The following UBN1 variants were observed in gnomAD, a reference collection of about 807,000 sequenced individuals.
UBN1 encodes ubinuclein-1.
A neutral mutation model predicts 108.5 loss-of-function variants in UBN1; 17 were observed. The ratio of observed to expected loss-of-function variants is 0.16; its 90% CI spans 0.11 to 0.24. The LOEUF (loss-of-function observed/expected upper bound fraction) is 0.24. Among genes scored for constraint, UBN1 ranks in the 10% least tolerant of loss-of-function variants. The probability of loss-of-function intolerance (pLI) is 1.00; values close to 1 mark genes in which losing one functional copy is unlikely to be tolerated. For synonymous variants in UBN1, 726 were observed against 564.2 expected (o/e 1.29, Z -4.07); for missense variants, 1,595 against 1,394.4 (o/e 1.14, Z -2.29).
At position 4,874,784 on chromosome 16, in the gene UBN1, G is replaced by A. The variant is rs755051524; in HGVS notation, c.2374G>A (p.Gly792Arg). 3.7e-6 allele frequency: 6 copies of A among 1,613,850 alleles called. No individual in the cohort carries two copies. The highest frequency in any genetic ancestry group is 1.1e-5 in the South Asian group (1 of 91,080). Reference protein sequence around the residue: ...KHHSLPRTSHGPQVAVPVPGP... With the variant: ...KHHSLPRTSHRPQVAVPVPGP... ...CCACAGCTTGCCACGGACGTCTCAC[G>A]GGCCCCAAGTGGCAGTTCCTGTGCC... The change falls in exon 15 of 18, where the codon GGG becomes AGG. Residue 792 changes from glycine (G) to arginine (R), a missense_variant. Physicochemically the swap from Gly to Arg is moderately radical, Grantham distance 125 (BLOSUM62 -2). Around this residue, in one of 3 missense-constraint regions of UBN1, gnomAD observed 1,398 missense variants for 1,194.7 expected, o/e 1.17. Transcript: ENST00000262376.
At chr16:4,853,203 A>C (rs2086635854) in intron 2 of UBN1, 37 bp downstream of exon 2, 1 of 1,609,480 alleles carries the variant, frequency 6.2e-7, no homozygotes. Context: ...TGCAGGTTTA[A>C]CGCACAGGGG....
intron 6 of UBN1, among the ~76,000 whole-genome samples, chr16:4,860,215 TG>T (rs1418542473): frequency 1.3e-5 from 2 of 152,228 alleles, no homozygotes; most frequent in Non-Finnish European, 2.9e-5. Flanking sequence ...TCTCGTCCTC[TG>T]GGGTGCTCCT....
In UBN1 at chr16:4,877,171, C is replaced by T. The variant is rs1157312183; in HGVS notation, c.3265+60C>T. 4 of 1,545,212 alleles carry T rather than the reference C, an allele frequency of 2.6e-6. No homozygotes were observed. In the Middle Eastern group the frequency reaches 5.3e-4, roughly 204 times the overall value. On this transcript the variant is annotated intron_variant, in intron 16 of 17. Transcript: ENST00000262376. This position sits in a 1 kb window ranked among gnomAD's most constrained non-coding sequence, Gnocchi z 4.3. ...AACCTCTAGATTGTGGCCAGGGGTC[C>T]TGCTGTTGTGTACTCTGGTTCCTGT...
At chr16:4,849,949 C>CAAAAAAAAAAAAAAAAAAAAAA (rs751842571) in intron 1 of UBN1, among the ~76,000 whole-genome samples, 2 of 72,204 alleles carry the variant, frequency 2.8e-5, no homozygotes, top group Non-Finnish European at 5.0e-5. Context: ...AACTGTCTCA[C>CAAAAAAAAAAAAAAAAAAAAAA]AAAAAAAAAA....
chr16:4,849,875 A>T (rs1255514877), intron 1 of UBN1, among the ~76,000 whole-genome samples: 3 of 142,234 alleles, frequency 2.1e-5, no homozygotes, highest in African/African-American at 7.9e-5. Context: ...GGGTCCGGGA[A>T]GTTGAGGCTG....
chr16:4,853,305 G>A, intron 2 of UBN1, 139 bp downstream of exon 2: 1 of 1,219,892 alleles, frequency 8.2e-7, no homozygotes, highest in Non-Finnish European at 1.1e-6. Context: ...CTCAAGGCAA[G>A]CACAAGATTT....
chr16:4,860,211 C>A (rs1447268672), intron 6 of UBN1, among the ~76,000 whole-genome samples: 1 of 152,208 alleles, frequency 6.6e-6, no homozygotes, highest in Non-Finnish European at 1.5e-5. Flanking sequence ...TGTTTCTCGT[C>A]CTCTGGGGTG....
rs572142046 is a variant in UBN1 at position 4,849,312 on chromosome 16, C to G, written c.-40+1102C>G. Among the ~76,000 whole-genome samples the G allele has an allele frequency of 1.3e-5, 2 of 152,220 alleles. 1 individual carries two copies. Among genetic ancestry groups the G allele is most frequent in the South Asian group, 4.1e-4 (2 of 4,822 alleles). ...TTTGGAAAAGGGAAGACAGAATTCT[C>G]ATTTCCGTGGATGATAGGTCTGCCT... is the stretch of plus-strand genomic sequence containing the variant. On this transcript the variant is annotated intron_variant, in intron 1 of 17. Transcript: ENST00000262376.
rs1406611351 is a variant in UBN1 at position 4,859,165 on chromosome 16, A to G, written c.567+6A>G. On this transcript the variant is annotated splice_donor_region_variant and intron_variant, in intron 5 of 17. Transcript: ENST00000262376. Reference sequence around the variant, plus strand: ...AGAAGAAAAAATCTCCAAAGGTTAGAATGTGCTTGCTTTTGGATTTCAGAA... The same window carrying G: ...AGAAGAAAAAATCTCCAAAGGTTAGGATGTGCTTGCTTTTGGATTTCAGAA... 2.5e-6 allele frequency: 4 copies of G among 1,610,834 alleles called. No homozygotes were observed. Among genetic ancestry groups the G allele is most frequent in the East Asian group, 4.5e-5 (2 of 44,886 alleles).
At chr16:4,858,890 T>C (rs1285291292) in intron 4 of UBN1, 135 bp from the exon 5 acceptor site, 5 of 1,220,596 alleles carry the variant, frequency 4.1e-6, no homozygotes, top group Non-Finnish European at 4.6e-6. Context: ...CAGACATTCA[T>C]GTTTGACCAG....
chr16:4,851,154 T>C (rs933253308), intron 1 of UBN1, among the ~76,000 whole-genome samples: 9 of 152,194 alleles, frequency 5.9e-5, no homozygotes, highest in Non-Finnish European at 4.4e-5. Context: ...TCATACTTTA[T>C]AGCATAGCAA....
rs1396838940 is a variant in UBN1, at chr16:4,874,227, C to T, written c.1817C>T (p.Pro606Leu). The T allele has an allele frequency of 1.9e-6, 3 of 1,561,262 alleles. No homozygotes were observed. The highest frequency in any genetic ancestry group is 2.6e-6 in the Non-Finnish European group (3 of 1,154,854). The stretch of plus-strand genomic sequence containing the variant: ...TTCCTTTAGGAATCGTCTACGAAGC[C>T]TGATAAAAAGGTTTCTGTCCCATCA... ...KIKVKESSTK[P>L]DKKVSVPSGQ... The change falls in exon 15 of 18, where the codon CCT (proline) becomes CTT (leucine). Residue 606 changes from proline to leucine, a missense_variant. Pro to Leu is a moderately conservative substitution (Grantham distance 98). This residue lies in a region of UBN1 where 1,398 missense variants were observed against 1,194.7 expected (regional missense o/e 1.17). Coordinates refer to ENST00000262376, the MANE Select transcript of UBN1 (RefSeq NM_001079514.3).
Position 4,874,140 on chromosome 16 carries a change from G to A in UBN1, c.1801-71G>A, listed in dbSNP as rs2087766936. ...TTTTTTGACTCGAGTTCACATGTTT[G>A]TATCCTCACAACAGGCCAATGTTGG... On this transcript the variant is annotated intron_variant, in intron 14 of 17. Transcript: ENST00000262376. 1.1e-5 allele frequency: 16 copies of A among 1,487,002 alleles called. No individual in the cohort carries two copies. In the South Asian group the frequency reaches 2.1e-4, roughly 20 times the overall value. 92.1% of individuals were successfully genotyped at this position (1,487,002 alleles called of 1,614,324 possible).
At position 4,847,678 on chromosome 16, in the gene UBN1, A is replaced by G. The variant is rs1259785108; in HGVS notation, c.-572A>G. 3.1e-5 allele frequency: 6 copies of G among 190,562 alleles called. No homozygotes were observed. The East Asian group carries it at 5.2e-4, about 16-fold the overall frequency. 11.8% of individuals were successfully genotyped at this position (190,562 alleles called of 1,614,324 possible). On this transcript the variant is annotated 5_prime_UTR_variant, in exon 1 of 18. Transcript: ENST00000262376. ...TTGGTCCGGCGCGGGCCCCGGGGCC[A>G]TTCCCGAGCCCGAGGCGCTGGTCGG...
intron 7 of UBN1, among the ~76,000 whole-genome samples, chr16:4,863,838 T>C (rs76258886): frequency 0.017 from 2,546 of 152,278 alleles, 62 homozygotes; most frequent in African/African-American, 0.057. Context: ...CATCCTGCCT[T>C]CTTCAGGGCT....
At chr16:4,867,940 A>G (rs1295337092) in intron 7 of UBN1, among the ~76,000 whole-genome samples, 1 of 152,194 alleles carries the variant, frequency 6.6e-6, no homozygotes, top group Non-Finnish European at 1.5e-5. Flanking sequence ...GTTGAGAGGA[A>G]TGGTTCCCAG....
At position 4,877,118 on chromosome 16, in the gene UBN1, G is replaced by C; in HGVS notation, c.3265+7G>C. On this transcript the variant is annotated splice_region_variant and intron_variant, in intron 16 of 17. Coordinates refer to ENST00000262376, the MANE Select transcript of UBN1 (RefSeq NM_001079514.3). This position sits in a 1 kb window ranked among gnomAD's most constrained non-coding sequence, Gnocchi z 4.3. ...CACCATGGCCTTGGCCACAGTAAGT[G>C]CTTCTTTGCTGCCTCTGGTCACTCA... 1 of 1,600,616 alleles carries C rather than the reference G, an allele frequency of 6.2e-7. No homozygotes were observed. The highest frequency in any genetic ancestry group is 8.5e-7 in the Non-Finnish European group (1 of 1,173,822).
At position 4,855,178 on chromosome 16, in the gene UBN1, G is replaced by A. The variant is rs189388415; in HGVS notation, c.249+2012G>A. Among the ~76,000 whole-genome samples, 4 of 152,332 alleles carry A rather than the reference G, an allele frequency of 2.6e-5. No homozygotes were observed. The East Asian group carries it at 7.7e-4, about 29-fold the overall frequency. Reference sequence around the variant, plus strand: ...GTAATTGGTTCACAGTTGTCTGAGTGTGGAACGAGAATGAAATCATGTTGT... The same window carrying A: ...GTAATTGGTTCACAGTTGTCTGAGTATGGAACGAGAATGAAATCATGTTGT... On this transcript the variant is annotated intron_variant, in intron 2 of 17. Transcript: ENST00000262376.
At chr16:4,875,471 C>A in intron 15 of UBN1, 37 bp downstream of exon 15, 1 of 1,570,018 alleles carries the variant, frequency 6.4e-7, no homozygotes, top group South Asian at 1.2e-5. Context: ...CTGCCCCACT[C>A]ACAGGGGCCT....
Sources: allele counts gnomAD v4.1 joint callset (sites outside exome capture counted in the v4.1 genomes callset), GRCh38; gene constraint gnomAD v4.1.1; regional missense constraint gnomAD v4.1.1; non-coding constraint Gnocchi (gnomAD v3.1); transcripts MANE v1.5; gene names NCBI Gene and HGNC (gene_info 2026-07-23, HGNC 2026-07-21).